Variants in S100Z observed in about 807,000 individuals in gnomAD.
S100Z encodes S100 calcium binding protein Z, also known as protein S100-Z.
Under a neutral mutation model 8.5 loss-of-function variants are expected in S100Z, and 11 were observed. The observed-to-expected ratio is 1.30, with a 90% CI of 0.82 to 2.15. S100Z has a LOEUF of 2.15. S100Z is among the 30% of genes most tolerant of loss of function. The probability of loss-of-function intolerance (pLI) is 0.00; values close to 1 mark genes in which losing one functional copy is unlikely to be tolerated. For missense variants in S100Z, 126 were observed against 117.9 expected (o/e 1.07, Z -0.32); for synonymous variants, 34 against 43.8 (o/e 0.78, Z 0.89).
intron 1 of S100Z, among the ~76,000 whole-genome samples, chr5:76,868,750 AG>A (rs1321649602): frequency 6.6e-6 from 1 of 151,340 alleles, no homozygotes; most frequent in Non-Finnish European, 1.5e-5. Flanking sequence ...CAGCCTCCCG[AG>A]TAGCTGGGAC....
chr5:76,865,205 A>G (rs1751225181), intron 1 of S100Z, among the ~76,000 whole-genome samples: 2 of 148,518 alleles, frequency 1.3e-5, no homozygotes. Context: ...GACCCTGTGT[A>G]GGCCTAGGCT....
intron 2 of S100Z, among the ~76,000 whole-genome samples, chr5:76,875,095 G>C (rs1743137624): frequency 6.6e-6 from 1 of 152,054 alleles, no homozygotes; most frequent in African/African-American, 2.4e-5. Flanking sequence ...GTTTCACCGT[G>C]TTAGCCAGGA....
intron 1 of S100Z, among the ~76,000 whole-genome samples, chr5:76,862,911 A>G (rs1751107414): frequency 6.6e-6 from 1 of 152,136 alleles, no homozygotes; most frequent in Non-Finnish European, 1.5e-5. Context: ...TTCTCTTAAG[A>G]AATCTGTGAC....
At chr5:76,922,218 A>G (rs569017987), downstream of S100Z, among the ~76,000 whole-genome samples, 1 of 152,158 alleles carries the variant, frequency 6.6e-6, no homozygotes, top group Admixed American at 6.5e-5. Context: ...TTGTCTAACC[A>G]AGAAAGCTTT....
At chr5:76,878,582 AC>A (rs1487696993) in intron 4 of S100Z, among the ~76,000 whole-genome samples, 5 of 152,102 alleles carry the variant, frequency 3.3e-5, no homozygotes, top group African/African-American at 1.2e-4. Flanking sequence ...TTCTACACGA[AC>A]CCTGGCCTCA....
chr5:76,927,806 A>T, the S100Z span, among the ~76,000 whole-genome samples: 1 of 152,212 alleles, frequency 6.6e-6, no homozygotes, highest in Non-Finnish European at 1.5e-5. Context: ...GAAACTTCTC[A>T]ACAAGCCTAC....
At chr5:76,940,688 C>T in the S100Z span, among the ~76,000 whole-genome samples, 14 of 152,208 alleles carry the variant, frequency 9.2e-5, no homozygotes, top group Admixed American at 9.2e-4. Flanking sequence ...GCTGGGATTA[C>T]AGGCGTGAGC....
intron 1 of S100Z, among the ~76,000 whole-genome samples, chr5:76,851,120 G>T (rs192056995): frequency 6.6e-6 from 1 of 152,210 alleles, no homozygotes; most frequent in Non-Finnish European, 1.5e-5. Flanking sequence ...GGTGATACAG[G>T]GGCACCCAGA....
At chr5:76,912,968 A>G (rs1296500038) in intron 4 of S100Z, among the ~76,000 whole-genome samples, 1 of 152,218 alleles carries the variant, frequency 6.6e-6, no homozygotes, top group Non-Finnish European at 1.5e-5. Context: ...GAGACAGACA[A>G]AAAGGGAGTC....
At chr5:76,933,330 T>A in the S100Z span, among the ~76,000 whole-genome samples, 7 of 152,116 alleles carry the variant, frequency 4.6e-5, no homozygotes, top group Non-Finnish European at 8.8e-5. Context: ...GTCAGTACAG[T>A]GGAACAGGGA....
the S100Z span, among the ~76,000 whole-genome samples, chr5:76,927,912 A>G: frequency 6.6e-6 from 1 of 152,216 alleles, no homozygotes; most frequent in African/African-American, 2.4e-5. Flanking sequence ...TGGAAAAGCC[A>G]GGTTCAAGCT....
chr5:76,860,076 T>C (rs1251086471), intron 1 of S100Z, among the ~76,000 whole-genome samples: 1 of 152,084 alleles, frequency 6.6e-6, no homozygotes, highest in Non-Finnish European at 1.5e-5. Flanking sequence ...TTGCCGGCAA[T>C]AAAAGTTGAC....
chr5:76,867,110 C>T (rs939979113), intron 1 of S100Z, among the ~76,000 whole-genome samples: 3 of 152,154 alleles, frequency 2.0e-5, no homozygotes, highest in Non-Finnish European at 2.9e-5. Flanking sequence ...TTATAATTGA[C>T]ACACAATAAA....
rs1048735120 is a variant in S100Z, at chr5:76,887,846, G to A, written c.*2+10012G>A. ...AATAGAATATTTTTGTCTCCCTTAA[G>A]CCAGTTCTGAGCAGATAGGACAGGG... is the stretch of plus-strand genomic sequence containing the variant. On this transcript the variant is annotated intron_variant, in intron 4 of 4. Transcript: ENST00000317593. 3.9e-5 allele frequency among the ~76,000 whole-genome samples: 6 copies of A among 152,140 alleles called. No homozygotes were observed. The East Asian group carries it at 7.7e-4, about 19-fold the overall frequency.
intron 1 of S100Z, among the ~76,000 whole-genome samples, chr5:76,852,691 G>T (rs931790199): frequency 3.3e-5 from 5 of 152,092 alleles, no homozygotes; most frequent in Admixed American, 1.3e-4. Flanking sequence ...CTCCAGCCTG[G>T]GTGACAGAGT....
chr5:76,867,371 T>C (rs1293107303), intron 1 of S100Z, among the ~76,000 whole-genome samples: 1 of 152,154 alleles, frequency 6.6e-6, no homozygotes, highest in Non-Finnish European at 1.5e-5. Flanking sequence ...ATGACTGTAG[T>C]CTTGGCCCCA....
chr5:76,894,541 C>T (rs1037517213), intron 4 of S100Z, among the ~76,000 whole-genome samples: 2 of 152,008 alleles, frequency 1.3e-5, no homozygotes, highest in African/African-American at 2.4e-5. Flanking sequence ...GACTGGAAGA[C>T]TGGAAACCCA....
chr5:76,891,737 A>C (rs6865281), intron 4 of S100Z, among the ~76,000 whole-genome samples: 1 of 152,096 alleles, frequency 6.6e-6, no homozygotes, highest in African/African-American at 2.4e-5. Context: ...AAATCAGACA[A>C]CACAAGAACA....
chr5:76,921,445 A>T lies in S100Z; in HGVS notation c.*731A>T, dbSNP rs145545077. On this transcript the variant is annotated 3_prime_UTR_variant, in exon 5 of 5. Coordinates refer to ENST00000317593, the MANE Select transcript of S100Z (RefSeq NM_130772.4). ...TGAAGAAATAAAGTCCCAGAAGGTA[A>T]CAGAGATAGAACTAGGCACGATTTT... 105 of 152,338 alleles carry T rather than the reference A, an allele frequency of 6.9e-4. No homozygotes were observed. The highest frequency in any genetic ancestry group is 2.4e-3 in the African/African-American group (100 of 41,582). 9.4% of individuals were successfully genotyped at this position (152,338 alleles called of 1,614,324 possible). A position where few individuals can be genotyped will look rare whatever the true frequency, so the allele number is the denominator to read the frequency against.
Sources: gnomAD v4.1 joint callset for allele counts (sites outside exome capture counted in the v4.1 genomes callset) on GRCh38, gnomAD v4.1.1 for gene constraint, MANE v1.5 for transcripts, NCBI Gene and HGNC (gene_info 2026-07-23, HGNC 2026-07-21) for gene names.